Variants in MICAL3 observed in about 807,000 individuals in gnomAD.
MICAL3 encodes [F-actin]-monooxygenase MICAL3.
A neutral mutation model predicts 207.4 loss-of-function variants in MICAL3; 62 were observed. That is an observed-to-expected ratio of 0.30 (90% CI 0.24 to 0.37). MICAL3 has a LOEUF of 0.37. Ranked by LOEUF, MICAL3 falls within the 10% of genes least tolerant of loss-of-function variation. The pLI is 1.00. For synonymous variants in MICAL3, 1,077 were observed against 1,069.3 expected (o/e 1.01, Z -0.14); for missense variants, 2,368 against 2,635.6 (o/e 0.90, Z 2.22).
chr22:17,898,953 T>G (rs1931098109), intron 7 of MICAL3, among the ~76,000 whole-genome samples: 1 of 152,188 alleles, frequency 6.6e-6, no homozygotes, highest in African/African-American at 2.4e-5. Flanking sequence ...CAGGCTCCCA[T>G]AAACACCAAT....
Position 17,790,726 on chromosome 22 carries a change from G to GT in MICAL3, c.*5_*6insA, listed in dbSNP as rs1383282869. On this transcript the variant is annotated 3_prime_UTR_variant, in exon 32 of 32. Coordinates refer to ENST00000441493, the MANE Select transcript of MICAL3 (RefSeq NM_015241.3). Reference sequence around the variant, plus strand: ...GCCAACAGAAAATGGAGCGTTGGGTGGGAGCTCAGGACCAGTTAAGGCTGA... The same window carrying GT: ...GCCAACAGAAAATGGAGCGTTGGGTGTGGAGCTCAGGACCAGTTAAGGCTGA... 5 of 1,587,002 alleles carry GT rather than the reference G, an allele frequency of 3.2e-6. No homozygotes were observed. The highest frequency in any genetic ancestry group is 1.8e-5 in the Admixed American group (1 of 55,950).
intron 29 of MICAL3, among the ~76,000 whole-genome samples, chr22:17,792,866 G>C (rs1187925396): frequency 6.6e-6 from 1 of 152,248 alleles, no homozygotes; most frequent in Non-Finnish European, 1.5e-5. Flanking sequence ...CAATAGGCTT[G>C]GGTTTTGGCC....
chr22:17,803,659 G>A lies in MICAL3; in HGVS notation c.5650+5185C>T, dbSNP rs373545497. ...ATGTGGGCAGCGGGGAGATCAGCACGCTGCTCTGTTTTGAGCTGGAAAAGG... is the reference window on the plus strand; with the variant it reads ...ATGTGGGCAGCGGGGAGATCAGCACACTGCTCTGTTTTGAGCTGGAAAAGG... On this transcript the variant is annotated intron_variant, in intron 29 of 31. Coordinates refer to ENST00000441493, the MANE Select transcript of MICAL3 (RefSeq NM_015241.3). 1.3e-3 allele frequency: 235 copies of A among 184,622 alleles called. 1 individual carries two copies. Among genetic ancestry groups the A allele is most frequent in the African/African-American group, 5.2e-3 (219 of 42,134 alleles). 11.4% of individuals were successfully genotyped at this position (184,622 alleles called of 1,614,324 possible). A position where few individuals can be genotyped will look rare whatever the true frequency, so the allele number is the denominator to read the frequency against.
chr22:17,810,466 G>A (rs2062035914), intron 28 of MICAL3, among the ~76,000 whole-genome samples: 1 of 152,162 alleles, frequency 6.6e-6, no homozygotes, highest in Admixed American at 6.5e-5. Flanking sequence ...CCAAAGTGCT[G>A]GGATTACAGG....
At chr22:18,017,851 C>T (rs1008132250) in intron 1 of MICAL3, among the ~76,000 whole-genome samples, 3 of 148,980 alleles carry the variant, frequency 2.0e-5, no homozygotes, top group Non-Finnish European at 4.5e-5. Context: ...CCCAGGTTCA[C>T]GCCATTCTCC....
chr22:18,011,013 G>A (rs1312081200), intron 1 of MICAL3, among the ~76,000 whole-genome samples: 1 of 150,692 alleles, frequency 6.6e-6, no homozygotes, highest in Non-Finnish European at 1.5e-5. Context: ...ATATCTCTTT[G>A]AGACTGAATG....
intron 19 of MICAL3, chr22:17,862,304 G>C (rs1299108985): frequency 1.1e-6 from 1 of 932,180 alleles, no homozygotes; most frequent in African/African-American, 1.8e-5. Context: ...CATCAGGCTG[G>C]AGTGCAGTGG....
chr22:17,824,538 T>G (rs1482399773), intron 22 of MICAL3, among the ~76,000 whole-genome samples: 1 of 152,262 alleles, frequency 6.6e-6, no homozygotes, highest in Non-Finnish European at 1.5e-5. Flanking sequence ...TTTTTATCTT[T>G]TATGCACAGT....
chr22:17,879,148 C>G (rs1929176341), intron 16 of MICAL3, among the ~76,000 whole-genome samples: 1 of 152,196 alleles, frequency 6.6e-6, no homozygotes, highest in Non-Finnish European at 1.5e-5. Context: ...AGATGGGTGA[C>G]TGCTTTACAG....
intron 20 of MICAL3, chr22:17,834,490 T>C (rs1389573651): frequency 7.9e-7 from 1 of 1,262,206 alleles, no homozygotes; most frequent in Admixed American, 2.5e-5. Context: ...CTGAGGTGGG[T>C]GGATCATTTG....
At chr22:17,967,281 TA>T (rs1000772243) in intron 1 of MICAL3, among the ~76,000 whole-genome samples, 20 of 152,266 alleles carry the variant, frequency 1.3e-4, no homozygotes, top group African/African-American at 4.8e-4. Flanking sequence ...TGCCTAACAA[TA>T]AAAAAGCTAC....
intron 21 of MICAL3, among the ~76,000 whole-genome samples, chr22:17,831,625 G>C (rs367922): frequency 1.3e-5 from 2 of 152,156 alleles, no homozygotes; most frequent in East Asian, 1.9e-4. Flanking sequence ...TCCACTTCCA[G>C]TTTCTAAACC....
At chr22:17,808,580 C>T (rs531145123) in intron 29 of MICAL3, among the ~76,000 whole-genome samples, 4 of 152,290 alleles carry the variant, frequency 2.6e-5, no homozygotes, top group African/African-American at 7.2e-5. Flanking sequence ...AGCCAGCGCT[C>T]GCCATCAGCA....
At position 17,818,468 on chromosome 22, in the gene MICAL3, G is replaced by T. The variant is rs368124560; in HGVS notation, c.4193C>A (p.Pro1398Gln). The T allele has an allele frequency of 6.2e-7, 1 of 1,612,748 alleles. No homozygotes were observed. The highest frequency in any genetic ancestry group is 8.5e-7 in the Non-Finnish European group (1 of 1,179,896). Residue 1398 changes from proline to glutamine, a missense_variant, in exon 26 of 32, where the codon CCG becomes CAG. Around this residue, in one of 4 missense-constraint regions of MICAL3, gnomAD observed 1,770 missense variants for 1,863.2 expected, o/e 0.95. Transcript: ENST00000441493. ...RLGLPKPEGE[P>Q]LSLPTPRSPS... is the part of the protein sequence containing the mutation. ...GGACCGGGGGGTTGGCAGGGACAAC[G>T]GCTCGCCTTCCGGCTTTGGCAGGCC...
intron 1 of MICAL3, among the ~76,000 whole-genome samples, chr22:17,933,474 G>T (rs1348581109): frequency 6.6e-6 from 1 of 152,204 alleles, no homozygotes; most frequent in Non-Finnish European, 1.5e-5. Flanking sequence ...TTAAAGCAGA[G>T]TGTAGAGGGA....
chr22:17,923,022 TCTG>T (rs1932835630), intron 1 of MICAL3, among the ~76,000 whole-genome samples: 1 of 152,132 alleles, frequency 6.6e-6, no homozygotes, highest in Admixed American at 6.5e-5. Context: ...AACCTCTCCC[TCTG>T]CTGATTCCCG....
Position 17,816,804 on chromosome 22 carries a change from A to G in MICAL3, c.5351-20T>C. 1 of 1,534,498 alleles carries G rather than the reference A, an allele frequency of 6.5e-7. No individual in the cohort carries two copies. The highest frequency in any genetic ancestry group is 8.8e-7 in the Non-Finnish European group (1 of 1,134,368). On this transcript the variant is annotated intron_variant, in intron 26 of 31. Coordinates refer to ENST00000441493, the MANE Select transcript of MICAL3 (RefSeq NM_015241.3). ...GCAGCTCTGTGGAGAGAGGGAGGCC[A>G]CGTGAGGACAGCGCCAGACAGCAGG...
In MICAL3 at chr22:17,822,959, C is replaced by A; in HGVS notation, c.3295G>T (p.Glu1099Ter). Reference protein sequence around the residue: ...EDGDPGDTGAELDDDQHWSDS... With the variant: ...EDGDPGDTGA Reference sequence around the variant, plus strand: ...GGCGGACCCCTACCATCATCCAGCTCAGCACCAGTGTCCCCTGGGTCCCCA... The same window carrying A: ...GGCGGACCCCTACCATCATCCAGCTAAGCACCAGTGTCCCCTGGGTCCCCA... Residue 1099 changes from glutamate to a stop codon, truncating the protein, a stop_gained, in exon 23 of 32, where the codon GAG becomes TAG. Transcript: ENST00000441493. LOFTEE classifies it high-confidence loss of function. The A allele has an allele frequency of 6.2e-7, 1 of 1,611,540 alleles. No homozygotes were observed. Among genetic ancestry groups the A allele is most frequent in the Non-Finnish European group, 8.5e-7 (1 of 1,177,854 alleles).
intron 19 of MICAL3, chr22:17,862,844 C>G: frequency 1.0e-6 from 1 of 985,510 alleles, no homozygotes; most frequent in Non-Finnish European, 1.2e-6. Context: ...CTGGCCTTTG[C>G]CACCCAAGCT....
Sources: gnomAD v4.1 joint callset for allele counts (sites outside exome capture counted in the v4.1 genomes callset) on GRCh38, gnomAD v4.1.1 for gene constraint, gnomAD v4.1.1 regional missense constraint, MANE v1.5 for transcripts, NCBI Gene and HGNC (gene_info 2026-07-23, HGNC 2026-07-21) for gene names.